The following OTOL1 variants were observed in gnomAD, a reference collection of about 807,000 sequenced individuals.
The protein encoded by OTOL1 is otolin 1.
In OTOL1, 31 loss-of-function variants were observed where a neutral mutation model predicts 25.0. The observed-to-expected ratio is 1.24, with a 90% CI of 0.93 to 1.67. The LOEUF is 1.67. OTOL1 is among the 40% of genes most tolerant of loss of function. The pLI, the probability that OTOL1 is intolerant of heterozygous loss-of-function variation, is 0.00. For missense variants in OTOL1, 654 were observed against 587.7 expected, an observed-to-expected ratio of 1.11 and a Z score of -1.17; for synonymous variants, 225 against 210.3, an observed-to-expected ratio of 1.07 and a Z score of -0.61.
In OTOL1 at chr3:161,503,143, G is replaced by A. The variant is rs1719016612; in HGVS notation, c.635G>A (p.Gly212Glu). Reference protein sequence around the residue: ...NCTKGEKGDQGAMGSPGLHGG... With the variant: ...NCTKGEKGDQEAMGSPGLHGG... ...ACCAAAGGAGAAAAAGGAGACCAAG[G>A]GGCTATGGGCTCACCTGGCCTGCAC... is the stretch of plus-strand genomic sequence containing the variant. The change falls in exon 4 of 4, where the codon GGG becomes GAG. Residue 212 changes from glycine (G) to glutamate (E), a missense_variant. By Grantham distance (98) the Gly-to-Glu change is moderately conservative. Coordinates refer to ENST00000327928, the MANE Select transcript of OTOL1 (RefSeq NM_001080440.1). The A allele has an allele frequency of 2.8e-6, 4 of 1,452,730 alleles. No individual in the cohort carries two copies. Among genetic ancestry groups the A allele is most frequent in the South Asian group, 1.6e-5 (1 of 63,846 alleles). 90.0% of individuals were successfully genotyped at this position (1,452,730 alleles called of 1,614,324 possible). A position where few individuals can be genotyped will look rare whatever the true frequency, so the allele number is the denominator to read the frequency against.
intron 2 of OTOL1, among the ~76,000 whole-genome samples, chr3:161,499,481 C>T (rs1467817431): frequency 6.6e-6 from 1 of 152,184 alleles, no homozygotes; most frequent in Non-Finnish European, 1.5e-5. Context: ...CATGCAGGCA[C>T]ACAGATTGTC....
Position 161,503,720 on chromosome 3 carries a change from T to C in OTOL1, c.1212T>C (p.Ser404=). 6.2e-7 allele frequency: 1 copy of C among 1,613,790 alleles called. No individual in the cohort carries two copies. The highest frequency in any genetic ancestry group is 8.5e-7 in the Non-Finnish European group (1 of 1,179,796). Residue 404 remains serine, a synonymous_variant, in exon 4 of 4, where the codon AGT becomes AGC. Coordinates refer to ENST00000327928, the MANE Select transcript of OTOL1 (RefSeq NM_001080440.1). ...TGAGGGGGCGACCTGCTCGAATCAG[T>C]CTGGTGGCCCAGAATAAGAAGCAGT... ...ITVRGRPARI[S]LVAQNKKQFK...
chr3:161,497,012 A>T lies in OTOL1; in HGVS notation c.205A>T (p.Ile69Phe), dbSNP rs1373570831. Residue 69 changes from isoleucine (I) to phenylalanine (F), a missense_variant, in exon 1 of 4, where the codon ATT becomes TTT. Transcript: ENST00000327928. ...FTEMAEMAEPITKPSALDSVF... is the reference protein window; with the variant it reads ...FTEMAEMAEPFTKPSALDSVF... ...AGAAATGGCTGAAATGGCAGAACCA[A>T]TTACCAAACCCTCGGCCTTGGATTC... 6.2e-7 allele frequency: 1 copy of T among 1,613,628 alleles called. No homozygotes were observed. The highest frequency in any genetic ancestry group is 1.7e-5 in the Admixed American group (1 of 59,952).
intron 2 of OTOL1, among the ~76,000 whole-genome samples, chr3:161,500,979 T>TA (rs111327507): frequency 0.39 from 58,972 of 151,546 alleles, 11,512 homozygotes; most frequent in Admixed American, 0.42. Context: ...AAACAAAAGA[T>TA]GTTAGTTATA....
intron 2 of OTOL1, 86 bp from the exon 3 acceptor site, chr3:161,502,221 C>T: frequency 7.9e-7 from 1 of 1,270,766 alleles, no homozygotes; most frequent in Non-Finnish European, 1.1e-6. Flanking sequence ...AAAGAAAACA[C>T]TAGAATGTGA....
In OTOL1 at chr3:161,503,359, G is replaced by T. The variant is rs775219241; in HGVS notation, c.851G>T (p.Gly284Val). 7 of 1,601,374 alleles carry T rather than the reference G, an allele frequency of 4.4e-6. No individual in the cohort carries two copies. In the South Asian group the frequency reaches 7.8e-5, roughly 18 times the overall value. ...EGKSGRNGLP[G>V]AKGDPGIKGE... is the part of the protein sequence containing the mutation. ...AAAAGCGGCCGTAATGGTCTGCCTG[G>T]GGCCAAAGGTGATCCAGGGATTAAA... Residue 284 changes from glycine (G) to valine (V), a missense_variant, in exon 4 of 4, where the codon GGG becomes GTG. Transcript: ENST00000327928.
intron 2 of OTOL1, among the ~76,000 whole-genome samples, chr3:161,499,866 T>G (rs1484127976): frequency 6.6e-6 from 1 of 152,222 alleles, no homozygotes; most frequent in Non-Finnish European, 1.5e-5. Flanking sequence ...AGATATTTAT[T>G]TATATCTTGT....
rs1718851212 is a variant in OTOL1 at position 161,497,060 on chromosome 3, T to C, written c.253T>C (p.Ser85Pro). 3.1e-6 allele frequency: 5 copies of C among 1,613,732 alleles called. No individual in the cohort carries two copies. The highest frequency in any genetic ancestry group is 1.1e-5 in the South Asian group (1 of 91,078). Residue 85 changes from serine (S) to proline (P), a missense_variant, in exon 1 of 4, where the codon TCT becomes CCT. Ser to Pro is a moderately conservative substitution (Grantham distance 74). Coordinates refer to ENST00000327928, the MANE Select transcript of OTOL1 (RefSeq NM_001080440.1). ...TTCTGTCTTTGGCACTGCCACTCTCTCTCCCTTTGAAAACTTCACTCTTGA... is the reference window on the plus strand; with the variant it reads ...TTCTGTCTTTGGCACTGCCACTCTCCCTCCCTTTGAAAACTTCACTCTTGA... ...LDSVFGTATL[S>P]PFENFTLDPA...
At chr3:161,498,509 T>A (rs1718892631) in intron 1 of OTOL1, among the ~76,000 whole-genome samples, 1 of 152,166 alleles carries the variant, frequency 6.6e-6, no homozygotes, top group Admixed American at 6.6e-5. Context: ...CTTTGGGAAA[T>A]CTTAATCTAT....
rs751278611 is a variant in OTOL1 at position 161,503,791 on chromosome 3, C to G, written c.1283C>G (p.Ser428Cys). Residue 428 changes from serine to cysteine, a missense_variant, in exon 4 of 4, where the codon TCT becomes TGT. Ser to Cys is a moderately radical substitution (Grantham distance 112). Transcript: ENST00000327928. ...TLYGQEIDQASLLVILKLSAG... is the reference protein window; with the variant it reads ...TLYGQEIDQACLLVILKLSAG... ...TATGGTCAGGAAATAGACCAGGCCT[C>G]TCTCCTCGTCATCTTGAAATTAAGT... 3 of 1,613,926 alleles carry G rather than the reference C, an allele frequency of 1.9e-6. No homozygotes were observed. Among genetic ancestry groups the G allele is most frequent in the South Asian group, 2.2e-5 (2 of 91,068 alleles).
intron 2 of OTOL1, among the ~76,000 whole-genome samples, chr3:161,499,728 C>T (rs1490606799): frequency 6.6e-6 from 1 of 152,108 alleles, no homozygotes; most frequent in Non-Finnish European, 1.5e-5. Context: ...TATCCCTTGG[C>T]TCACTCTGAA....
chr3:161,497,311 T>A, intron 1 of OTOL1, 140 bp downstream of exon 1: 1 of 952,760 alleles, frequency 1.0e-6, no homozygotes, highest in Admixed American at 2.9e-5. Context: ...TTGTTACAAA[T>A]GTAAATGGGT....
Position 161,503,185 on chromosome 3 carries a change from A to AGGGAGAGAAGGGGGAGAT in OTOL1, c.681_698dup (p.Glu234_Gly239dup), listed in dbSNP as rs1342200931. The AGGGAGAGAAGGGGGAGAT allele has an allele frequency of 5.3e-5, 62 of 1,162,474 alleles. No homozygotes were observed. The African/African-American group carries it at 1.1e-3, about 21-fold the overall frequency. 72.0% of individuals were successfully genotyped at this position (1,162,474 alleles called of 1,614,324 possible). ...GGCCTGCACGGAGGGCCTGGCGCCAAGGGAGAGAAGGGGGAGATGGGGGAG... is the reference window on the plus strand; with the variant it reads ...GGCCTGCACGGAGGGCCTGGCGCCAAGGGAGAGAAGGGGGAGATGGGAGAGAAGGGGGAGATGGGGGAG... On this transcript the variant is annotated inframe_insertion, in exon 4 of 4. Transcript: ENST00000327928.
Position 161,503,483 on chromosome 3 carries a change from G to A in OTOL1, c.975G>A (p.Lys325=), listed in dbSNP as rs559129310. Residue 325 remains lysine (K), a synonymous_variant, in exon 4 of 4, where the codon AAG becomes AAA. Transcript: ENST00000327928. ...GGGTCCGAGGCCCCACTGGGAAGAA[G>A]GGCTCTCGGGGCTTTAAAGGCTCCA... ...NKGVRGPTGK[K]GSRGFKGSKG... 29 of 1,613,492 alleles carry A rather than the reference G, an allele frequency of 1.8e-5. No individual in the cohort carries two copies. Among genetic ancestry groups the A allele is most frequent in the Non-Finnish European group, 2.1e-5 (25 of 1,179,820 alleles).
At chr3:161,502,432 C>T in intron 3 of OTOL1, 63 bp downstream of exon 3, 1 of 1,306,282 alleles carries the variant, frequency 7.7e-7, no homozygotes, top group Middle Eastern at 1.8e-4. Flanking sequence ...TCATTCTCTT[C>T]CTGCTTGTAT....
chr3:161,499,113 C>A, intron 1 of OTOL1, 58 bp from the exon 2 acceptor site: 3 of 1,333,366 alleles, frequency 2.2e-6, no homozygotes, highest in Non-Finnish European at 3.1e-6. Flanking sequence ...CTTTCCTGAA[C>A]TAATGAACTT....
Position 161,499,183 on chromosome 3 carries a change from A to G in OTOL1, c.377A>G (p.Glu126Gly). 2.5e-6 allele frequency: 4 copies of G among 1,609,742 alleles called. No homozygotes were observed. Among genetic ancestry groups the G allele is most frequent in the Non-Finnish European group, 3.4e-6 (4 of 1,177,956 alleles). Reference sequence around the variant, plus strand: ...ATCCCATTTCTAGGTCCTAAAGGAGAGGCTGGAAATTTGGGGATCCCAGGG... The same window carrying G: ...ATCCCATTTCTAGGTCCTAAAGGAGGGGCTGGAAATTTGGGGATCCCAGGG... The part of the protein sequence containing the change: ...GETGQPGPKG[E>G]AGNLGIPGPP... The change falls in exon 2 of 4, where the codon GAG becomes GGG. Residue 126 changes from glutamate (E) to glycine (G), a missense_variant. By Grantham distance (98) the Glu-to-Gly change is moderately conservative. Transcript: ENST00000327928.
At chr3:161,498,767 C>G (rs1469665873) in intron 1 of OTOL1, among the ~76,000 whole-genome samples, 2 of 151,944 alleles carry the variant, frequency 1.3e-5, no homozygotes, top group African/African-American at 4.8e-5. Context: ...TAGGATGCCT[C>G]AGAAATAGTT....
At position 161,503,535 on chromosome 3, in the gene OTOL1, T is replaced by G; in HGVS notation, c.1027T>G (p.Ser343Ala). 1 of 1,613,844 alleles carries G rather than the reference T, an allele frequency of 6.2e-7. No individual in the cohort carries two copies. Among genetic ancestry groups the G allele is most frequent in the East Asian group, 2.2e-5 (1 of 44,852 alleles). Residue 343 changes from serine (S) to alanine (A), a missense_variant, in exon 4 of 4, where the codon TCG (serine) becomes GCG (alanine). Ser to Ala is a moderately conservative substitution (Grantham distance 99, BLOSUM62 1). Transcript: ENST00000327928. ...SKGELARVPR[S>A]AFSAGLSKPF... ...GGGTGAGTTGGCTAGAGTGCCCCGG[T>G]CGGCTTTCAGCGCTGGTTTGTCAAA...
Sources: gnomAD v4.1 joint callset for allele counts (sites outside exome capture counted in the v4.1 genomes callset) on GRCh38, gnomAD v4.1.1 for gene constraint, MANE v1.5 for transcripts, NCBI Gene and HGNC (gene_info 2026-07-23, HGNC 2026-07-21) for gene names.